Variants in CFAP299 observed in about 807,000 individuals in gnomAD.
CFAP299 encodes cilia and flagella associated protein 299.
CFAP299 carries 21 observed loss-of-function variants against 27.0 expected under a neutral mutation model. The observed-to-expected ratio is 0.78, with a 90% CI of 0.55 to 1.12. CFAP299 has a LOEUF of 1.12. Among genes scored for constraint, CFAP299 ranks in the 50% most tolerant of loss-of-function variants. The pLI is 0.00. For missense variants in CFAP299, 310 were observed against 276.6 expected (o/e 1.12, Z -0.86); for synonymous variants, 104 against 98.1 (o/e 1.06, Z -0.36).
intron 3 of CFAP299, among the ~76,000 whole-genome samples, chr4:80,808,607 A>G (rs753233548): frequency 6.6e-6 from 1 of 152,078 alleles, no homozygotes; most frequent in Non-Finnish European, 1.5e-5. Flanking sequence ...GTGCCTTTGT[A>G]TTGAGTATAT....
intron 3 of CFAP299, among the ~76,000 whole-genome samples, chr4:80,824,623 G>A (rs1729885016): frequency 6.6e-6 from 1 of 152,088 alleles, no homozygotes; most frequent in South Asian, 2.1e-4. Context: ...ATATGTATGA[G>A]AGAAATTAGA....
In CFAP299 at chr4:80,445,522, C is replaced by G. The variant is rs190585572; in HGVS notation, c.242+82638C>G. ...GGGAATGTCATACACCGAGGCCTGTCAGGGGTTGGGGGAAAGGGGAGGGAT... is the reference window on the plus strand; with the variant it reads ...GGGAATGTCATACACCGAGGCCTGTGAGGGGTTGGGGGAAAGGGGAGGGAT... On this transcript the variant is annotated intron_variant, in intron 2 of 5. Coordinates refer to ENST00000358105, the MANE Select transcript of CFAP299 (RefSeq NM_152770.3). Among the ~76,000 whole-genome samples, 820 of 152,022 alleles carry G rather than the reference C, an allele frequency of 5.4e-3. 4 individuals carry two copies. Among genetic ancestry groups the G allele is most frequent in the Non-Finnish European group, 9.1e-3 (619 of 67,966 alleles).
chr4:80,341,932 A>G (rs2109970247), intron 1 of CFAP299, among the ~76,000 whole-genome samples: 1 of 152,360 alleles, frequency 6.6e-6, no homozygotes, highest in Admixed American at 6.5e-5. Flanking sequence ...ATGATAAAAC[A>G]GTACAGGAGC....
intron 1 of CFAP299, among the ~76,000 whole-genome samples, chr4:80,348,913 ATGAG>A (rs1383827423): frequency 6.6e-6 from 1 of 152,188 alleles, no homozygotes; most frequent in Non-Finnish European, 1.5e-5. Flanking sequence ...ACAGACAGAC[ATGAG>A]TGCACATAAT....
intron 2 of CFAP299, among the ~76,000 whole-genome samples, chr4:80,434,423 A>G (rs2110081148): frequency 6.6e-6 from 1 of 152,276 alleles, no homozygotes; most frequent in South Asian, 2.1e-4. Context: ...AAAAAGAGGA[A>G]ATGTTACATC....
intron 3 of CFAP299, among the ~76,000 whole-genome samples, chr4:80,673,191 G>A (rs1429385105): frequency 6.6e-6 from 1 of 152,146 alleles, no homozygotes; most frequent in Non-Finnish European, 1.5e-5. Flanking sequence ...ATGTGTCCCA[G>A]AGATTCTGGT....
intron 3 of CFAP299, among the ~76,000 whole-genome samples, chr4:80,594,560 A>G (rs1424178684): frequency 1.3e-5 from 2 of 152,192 alleles, no homozygotes; most frequent in Non-Finnish European, 2.9e-5. Context: ...AAAAGCATGA[A>G]TAATCTTGCT....
intron 3 of CFAP299, among the ~76,000 whole-genome samples, chr4:80,704,757 A>G (rs1441769335): frequency 6.6e-6 from 1 of 151,858 alleles, no homozygotes; most frequent in Non-Finnish European, 1.5e-5. Context: ...ACTGTTCTAG[A>G]TAGAACTATG....
chr4:80,514,600 A>G (rs567971918), intron 2 of CFAP299, among the ~76,000 whole-genome samples: 16 of 152,166 alleles, frequency 1.1e-4, no homozygotes, highest in African/African-American at 3.6e-4. Context: ...TTGATGCTGC[A>G]TTTGTATGAC....
chr4:80,867,476 T>C (rs1732811458), intron 3 of CFAP299, among the ~76,000 whole-genome samples: 1 of 152,244 alleles, frequency 6.6e-6, no homozygotes, highest in African/African-American at 2.4e-5. Flanking sequence ...TGTGTGAGTT[T>C]GCTAAGGCTG....
intron 4 of CFAP299, among the ~76,000 whole-genome samples, chr4:80,920,619 C>G (rs1335891680): frequency 6.6e-6 from 1 of 152,066 alleles, no homozygotes; most frequent in Non-Finnish European, 1.5e-5. Flanking sequence ...AGACATGCTG[C>G]CTTTTACTAT....
intron 3 of CFAP299, among the ~76,000 whole-genome samples, chr4:80,748,699 A>G (rs1224069129): frequency 1.3e-5 from 2 of 152,156 alleles, no homozygotes; most frequent in Non-Finnish European, 2.9e-5. Context: ...CATAAAGTCC[A>G]GTCTTTATTT....
At position 80,958,316 on chromosome 4, in the gene CFAP299, AC is replaced by A. The variant is rs570849329; in HGVS notation, c.607-5200del. 4.3e-3 allele frequency among the ~76,000 whole-genome samples: 660 copies of A among 152,248 alleles called. 18 individuals carry two copies. The highest frequency in any genetic ancestry group is 0.01 in the Middle Eastern group (3 of 294). On this transcript the variant is annotated intron_variant, in intron 5 of 5. Coordinates refer to ENST00000358105, the MANE Select transcript of CFAP299 (RefSeq NM_152770.3). ...TAGCTGTTTCTGTGTGATTCAATGA[AC>A]ATTGTTTTCAAACATGACATTACGG...
intron 5 of CFAP299, among the ~76,000 whole-genome samples, chr4:80,959,543 A>G (rs1341485202): frequency 1.3e-5 from 2 of 152,116 alleles, no homozygotes; most frequent in Non-Finnish European, 2.9e-5. Flanking sequence ...CATAAAGCAT[A>G]TAAAATTTCT....
At chr4:80,903,824 T>G (rs1454689402) in intron 4 of CFAP299, among the ~76,000 whole-genome samples, 1 of 152,132 alleles carries the variant, frequency 6.6e-6, no homozygotes, top group South Asian at 2.1e-4. Context: ...ATGTAACACA[T>G]AGTCTCTCAA....
intron 4 of CFAP299, among the ~76,000 whole-genome samples, chr4:80,903,699 A>G (rs945393523): frequency 2.6e-5 from 4 of 152,102 alleles, no homozygotes; most frequent in African/African-American, 9.7e-5. Flanking sequence ...AACTTGAATT[A>G]TTCTTTCAAC....
intron 2 of CFAP299, among the ~76,000 whole-genome samples, chr4:80,517,621 G>C (rs1732649429): frequency 2.0e-5 from 3 of 152,196 alleles, no homozygotes; most frequent in Non-Finnish European, 4.4e-5. Context: ...AGTGGCTGCT[G>C]TGAGGAATGG....
At chr4:80,759,634 C>A (rs751874402) in intron 3 of CFAP299, among the ~76,000 whole-genome samples, 11 of 152,116 alleles carry the variant, frequency 7.2e-5, no homozygotes, top group Non-Finnish European at 1.5e-4. Flanking sequence ...AAGTTTGACA[C>A]CACCATTATT....
chr4:80,796,249 C>A (rs2110102290), intron 3 of CFAP299, among the ~76,000 whole-genome samples: 1 of 152,302 alleles, frequency 6.6e-6, no homozygotes, highest in South Asian at 2.1e-4. Flanking sequence ...AGGCCCCACA[C>A]CACTGGACCT....
Sources: gnomAD v4.1 joint callset for allele counts (sites outside exome capture counted in the v4.1 genomes callset) on GRCh38, gnomAD v4.1.1 for gene constraint, MANE v1.5 for transcripts, NCBI Gene and HGNC (gene_info 2026-07-23, HGNC 2026-07-21) for gene names.